The following PCDHA2 variants were observed in gnomAD, a reference collection of about 807,000 sequenced individuals.
PCDHA2 encodes the protein protocadherin alpha 2.
PCDHA2 carries 58 observed loss-of-function variants against 66.0 expected under a neutral mutation model. The observed-to-expected ratio is 0.88, with a 90% CI of 0.71 to 1.09. The LOEUF (loss-of-function observed/expected upper bound fraction) is 1.09, where lower values mean the gene tolerates loss of function less well. PCDHA2 is among the 50% of genes least tolerant of loss of function. PCDHA2 has a pLI of 0.00. For synonymous variants in PCDHA2, 634 were observed against 554.0 expected (o/e 1.14, Z -2.03); for missense variants, 1,267 against 1,242.3 (o/e 1.02, Z -0.30).
intron 1 of PCDHA2, chr5:140,815,407 T>TA (rs1765720379): frequency 1.3e-5 from 2 of 152,120 alleles, no homozygotes; most frequent in South Asian, 4.1e-4. Context: ...AAAACTCTTA[T>TA]AAAAATGTAT....
chr5:140,924,824 G>T (rs782384284), intron 1 of PCDHA2, among the ~76,000 whole-genome samples: 5 of 151,742 alleles, frequency 3.3e-5, no homozygotes, highest in African/African-American at 4.8e-5. Context: ...GAACCTGGGA[G>T]GGGGAGGTTG....
In PCDHA2 at chr5:140,795,843, T is replaced by C. The variant is rs782245686; in HGVS notation, c.879T>C (p.Phe293=). ...TGTCCTCCACTATACAGACTAAGTT[T>C]ACCATAGATCCCATCTCAGGGGAAA... ...SDVSSTIQTK[F]TIDPISGEIR... The change falls in exon 1 of 4, where the codon TTT becomes TTC. Residue 293 remains phenylalanine, a synonymous_variant. Transcript: ENST00000526136. 6 of 1,613,808 alleles carry C rather than the reference T, an allele frequency of 3.7e-6. No homozygotes were observed. In the Middle Eastern group the frequency reaches 4.9e-4, roughly 133 times the overall value.
chr5:140,952,444 A>C (rs2094747203), intron 1 of PCDHA2, among the ~76,000 whole-genome samples: 2 of 152,178 alleles, frequency 1.3e-5, no homozygotes. Flanking sequence ...GGCATAATAC[A>C]GCCAGGCTCT....
At chr5:140,866,739 C>T (rs1198771092) in intron 1 of PCDHA2, 5 of 152,124 alleles carry the variant, frequency 3.3e-5, no homozygotes, top group African/African-American at 4.8e-5. Context: ...CACTCTAATA[C>T]TTATATGACT....
intron 1 of PCDHA2, chr5:140,871,461 A>C: frequency 1.2e-6 from 2 of 1,605,278 alleles, no homozygotes; most frequent in South Asian, 2.2e-5. Flanking sequence ...AGGAAGGGGA[A>C]AGACAGGAGC....
At chr5:140,803,050 C>T (rs376717092) in intron 1 of PCDHA2, 3 of 1,613,992 alleles carry the variant, frequency 1.9e-6, no homozygotes, top group Non-Finnish European at 2.5e-6. Flanking sequence ...ACCGGCGGTG[C>T]GCGCATCCCG....
Position 140,946,631 on chromosome 5 carries a change from T to TATATATATATATATAC in PCDHA2, c.2389-32317_2389-32316insTATATATATATATACA, listed in dbSNP as rs57893927. On this transcript the variant is annotated intron_variant, in intron 1 of 3. Coordinates refer to ENST00000526136, the MANE Select transcript of PCDHA2 (RefSeq NM_018905.3). The stretch of plus-strand genomic sequence containing the variant: ...TGTGAAATATATATATATATATATA[T>TATATATATATATATAC]ACAATGGAATACTCATCAGCCATTA... 8.0e-3 allele frequency among the ~76,000 whole-genome samples: 1,048 copies of TATATATATATATATAC among 131,788 alleles called. 65 individuals carry two copies. Among genetic ancestry groups the TATATATATATATATAC allele is most frequent in the African/African-American group, 0.026 (735 of 28,674 alleles). The allele number at this position is 131,788 out of a possible 152,430, so 86.5% of individuals were successfully genotyped here. A position where few individuals can be genotyped will look rare whatever the true frequency, so the allele number is the denominator to read the frequency against.
At chr5:140,850,202 G>A in intron 1 of PCDHA2, 3 of 1,593,648 alleles carry the variant, frequency 1.9e-6, no homozygotes, top group Non-Finnish European at 2.6e-6. Flanking sequence ...TGACACCTCG[G>A]ATGAGGGGCA....
In PCDHA2 at chr5:140,971,961, T is replaced by C. The variant is rs1412814726; in HGVS notation, c.2389-6988T>C. ...TGTATCCATCTGACTCCAAAAACTT[T>C]TTTTCAATACTATGAGTAGACAGAA... On this transcript the variant is annotated intron_variant, in intron 1 of 3. Transcript: ENST00000526136. 2.0e-5 allele frequency among the ~76,000 whole-genome samples: 3 copies of C among 152,144 alleles called. No homozygotes were observed. The East Asian group carries it at 5.8e-4, about 29-fold the overall frequency.
chr5:140,952,608 C>T (rs2153696668), intron 1 of PCDHA2, among the ~76,000 whole-genome samples: 1 of 152,282 alleles, frequency 6.6e-6, no homozygotes, highest in Non-Finnish European at 1.5e-5. Flanking sequence ...TCTAAGCTCT[C>T]CCTCATCTTC....
chr5:140,858,566 G>A (rs2045486949), intron 1 of PCDHA2: 1 of 1,375,796 alleles, frequency 7.3e-7, no homozygotes, highest in African/African-American at 1.4e-5. Context: ...TATTTCTAGT[G>A]ATACCTTTGT....
chr5:140,936,593 C>T (rs1475903432), intron 1 of PCDHA2, among the ~76,000 whole-genome samples: 1 of 152,168 alleles, frequency 6.6e-6, no homozygotes, highest in African/African-American at 2.4e-5. Context: ...GTTAGATTGC[C>T]TACTTTCCTC....
chr5:140,808,348 C>A, intron 1 of PCDHA2: 3 of 1,614,258 alleles, frequency 1.9e-6, no homozygotes. Flanking sequence ...TGGTCACCTG[C>A]TCCTTGACGT....
intron 1 of PCDHA2, chr5:140,829,251 G>A (rs1554131837): frequency 6.2e-7 from 1 of 1,614,150 alleles, no homozygotes; most frequent in East Asian, 2.2e-5. Context: ...CAGGTGAACT[G>A]CTCGCTGACG....
intron 1 of PCDHA2, chr5:140,825,552 G>A (rs2150140091): frequency 2.0e-5 from 3 of 151,568 alleles, no homozygotes; most frequent in Admixed American, 6.6e-5. Flanking sequence ...ATCTTCCCAA[G>A]TAGCTGGGAT....
At chr5:140,839,156 T>C (rs2150295146) in intron 1 of PCDHA2, among the ~76,000 whole-genome samples, 23 of 97,316 alleles carry the variant, frequency 2.4e-4, no homozygotes, top group Non-Finnish European at 4.5e-4. Flanking sequence ...TTTGCTGCTC[T>C]TGTTGAAAGA....
At chr5:140,803,195 G>T in intron 1 of PCDHA2, 2 of 1,613,906 alleles carry the variant, frequency 1.2e-6, no homozygotes, top group South Asian at 1.1e-5. Flanking sequence ...CCACTGTGCT[G>T]GTGTCGCTGG....
chr5:140,807,165 G>A (rs1444375886), intron 1 of PCDHA2: 1 of 1,603,928 alleles, frequency 6.2e-7, no homozygotes, highest in Non-Finnish European at 8.5e-7. Context: ...TATTTAATCA[G>A]AACAAAATAC....
chr5:140,955,889 G>A (rs246016), intron 1 of PCDHA2, among the ~76,000 whole-genome samples: 85,633 of 151,918 alleles, frequency 0.56, 24,754 homozygotes, highest in African/African-American at 0.69. Flanking sequence ...ATTCCTAGGT[G>A]TTTTATTCTC....
Sources: gnomAD v4.1 joint callset for allele counts (sites outside exome capture counted in the v4.1 genomes callset) on GRCh38, gnomAD v4.1.1 for gene constraint, MANE v1.5 for transcripts, NCBI Gene and HGNC (gene_info 2026-07-23, HGNC 2026-07-21) for gene names.